JPH1: variants seen among roughly 807,000 people sequenced by gnomAD.
The protein encoded by JPH1 is junctophilin 1, also known as junctophilin-1.
A neutral mutation model predicts 53.6 loss-of-function variants in JPH1; 12 were observed. That is an observed-to-expected ratio of 0.22 (90% CI 0.14 to 0.36). The LOEUF is 0.36. Ranked by LOEUF, JPH1 falls within the 10% of genes least tolerant of loss-of-function variation. JPH1 has a pLI of 1.00. For synonymous variants in JPH1, 375 were observed against 363.8 expected (o/e 1.03, Z -0.35); for missense variants, 808 against 905.5 (o/e 0.89, Z 1.38).
intron 2 of JPH1, among the ~76,000 whole-genome samples, chr8:74,275,824 C>A (rs1193707570): frequency 1.3e-5 from 2 of 152,170 alleles, no homozygotes; most frequent in East Asian, 1.9e-4. Flanking sequence ...CTTCCCCACC[C>A]CCTGCTCTGA....
intron 2 of JPH1, among the ~76,000 whole-genome samples, chr8:74,305,352 CAG>C (rs891536717): frequency 1.3e-5 from 2 of 152,262 alleles, no homozygotes; most frequent in Non-Finnish European, 2.9e-5. Context: ...TGCTTAAAAA[CAG>C]AGTTTCTCCA....
chr8:74,288,195 GA>G (rs1807224482), intron 2 of JPH1, among the ~76,000 whole-genome samples: 1 of 152,206 alleles, frequency 6.6e-6, no homozygotes, highest in African/African-American at 2.4e-5. Flanking sequence ...GAGGCGGGTG[GA>G]AAAGCAGCCC....
chr8:74,237,704 A>C (rs943486594), intron 4 of JPH1, among the ~76,000 whole-genome samples: 2 of 152,224 alleles, frequency 1.3e-5, no homozygotes, highest in Non-Finnish European at 2.9e-5. Context: ...GGCAGTTAGA[A>C]CACGAGAGCA....
At chr8:74,281,347 C>T (rs1420294306) in intron 2 of JPH1, among the ~76,000 whole-genome samples, 1 of 152,190 alleles carries the variant, frequency 6.6e-6, no homozygotes, top group Non-Finnish European at 1.5e-5. Context: ...GTTACTTGGA[C>T]ATGTAAGTCT....
intron 2 of JPH1, among the ~76,000 whole-genome samples, chr8:74,297,992 C>T (rs1420420490): frequency 6.6e-6 from 1 of 152,208 alleles, no homozygotes; most frequent in Non-Finnish European, 1.5e-5. Flanking sequence ...TCTTTCCACA[C>T]ACAGGTCATC....
intron 2 of JPH1, among the ~76,000 whole-genome samples, chr8:74,305,032 G>A (rs975330711): frequency 2.6e-5 from 4 of 152,228 alleles, no homozygotes; most frequent in African/African-American, 9.6e-5. Flanking sequence ...ATTATTAAAA[G>A]CTGATTTGAC....
At position 74,288,363 on chromosome 8, in the gene JPH1, A is replaced by T. The variant is rs80102875; in HGVS notation, c.1139+26498T>A. Among the ~76,000 whole-genome samples, 1,480 of 152,098 alleles carry T rather than the reference A, an allele frequency of 9.7e-3. 21 individuals are homozygous for T. The highest frequency in any genetic ancestry group is 0.034 in the African/African-American group (1,416 of 41,456). ...TCTCACCCAAGGGCTGCCTCTGAAAACCCATTTCTTCAACAGCATGCATGT... is the reference window on the plus strand; with the variant it reads ...TCTCACCCAAGGGCTGCCTCTGAAATCCCATTTCTTCAACAGCATGCATGT... On this transcript the variant is annotated intron_variant, in intron 2 of 5. Transcript: ENST00000342232.
intron 2 of JPH1, among the ~76,000 whole-genome samples, chr8:74,307,429 C>A (rs952853169): frequency 2.0e-5 from 3 of 152,154 alleles, no homozygotes; most frequent in African/African-American, 4.8e-5. Context: ...TTCAACCAAG[C>A]GTCTGGAATT....
At chr8:74,298,269 T>C (rs913368513) in intron 2 of JPH1, among the ~76,000 whole-genome samples, 3 of 152,250 alleles carry the variant, frequency 2.0e-5, no homozygotes, top group Non-Finnish European at 4.4e-5. Flanking sequence ...ACTTATGCTC[T>C]TAGCTAATTG....
chr8:74,279,007 G>A (rs890320114), intron 2 of JPH1, among the ~76,000 whole-genome samples: 5 of 150,338 alleles, frequency 3.3e-5, no homozygotes, highest in Non-Finnish European at 5.9e-5. Context: ...ACACACACAC[G>A]CATACACACA....
chr8:74,256,174 A>G (rs1211672642), intron 3 of JPH1, among the ~76,000 whole-genome samples: 2 of 152,210 alleles, frequency 1.3e-5, no homozygotes, highest in Non-Finnish European at 2.9e-5. Context: ...TGGATTAAGA[A>G]AATGTGGCAC....
chr8:74,287,688 C>A (rs1265474545), intron 2 of JPH1, among the ~76,000 whole-genome samples: 3 of 149,496 alleles, frequency 2.0e-5, no homozygotes, highest in Non-Finnish European at 1.5e-5. Context: ...TTTTTTAAGG[C>A]AGAAAGCGGA....
Position 74,321,474 on chromosome 8 carries a change from C to A in JPH1, c.-187G>T. 1.9e-6 allele frequency: 1 copy of A among 528,034 alleles called. No homozygotes were observed. Among genetic ancestry groups the A allele is most frequent in the African/African-American group, 2.1e-5 (1 of 48,742 alleles). 32.7% of individuals were successfully genotyped at this position (528,034 alleles called of 1,614,324 possible). A position where few individuals can be genotyped will look rare whatever the true frequency, so the allele number is the denominator to read the frequency against. On this transcript the variant is annotated 5_prime_UTR_variant, in exon 1 of 6. Coordinates refer to ENST00000342232, the MANE Select transcript of JPH1 (RefSeq NM_020647.4). The surrounding 1 kb of genome is among the most constrained non-coding windows in gnomAD (Gnocchi z 4.3). The stretch of plus-strand genomic sequence containing the variant: ...CTCCCTCCTCTTTTGCCGCCGCCAC[C>A]GCCGCCTTCCTCCTCCTCCTCCTCC...
At chr8:74,253,879 G>T (rs1298274634) in intron 3 of JPH1, among the ~76,000 whole-genome samples, 4 of 151,722 alleles carry the variant, frequency 2.6e-5, no homozygotes, top group African/African-American at 4.9e-5. Context: ...AATAACAGGA[G>T]CTGAAATTGA....
intron 2 of JPH1, among the ~76,000 whole-genome samples, chr8:74,281,256 A>C (rs1353542069): frequency 6.6e-6 from 1 of 152,248 alleles, no homozygotes; most frequent in East Asian, 1.9e-4. Flanking sequence ...AGATAAAACT[A>C]ATAATCAACT....
At position 74,315,523 on chromosome 8, in the gene JPH1, C is replaced by A. The variant is rs746330788; in HGVS notation, c.477G>T (p.Leu159=). The change falls in exon 2 of 6, where the codon CTG becomes CTT. Residue 159 remains leucine (L), a synonymous_variant. Transcript: ENST00000342232. The surrounding 1 kb of genome is among the most constrained non-coding windows in gnomAD (Gnocchi z 6.3). ...YGMATVIRSP[L]RTSLASLRSE... is the part of the protein sequence containing the mutation. ...TGCGCAGCGAGGCCAGCGAGGTACGCAGCGGTGAGCGGATCACCGTGGCCA... is the reference window on the plus strand; with the variant it reads ...TGCGCAGCGAGGCCAGCGAGGTACGAAGCGGTGAGCGGATCACCGTGGCCA... 2 of 1,605,512 alleles carry A rather than the reference C, an allele frequency of 1.2e-6. No individual in the cohort carries two copies. Among genetic ancestry groups the A allele is most frequent in the Non-Finnish European group, 1.7e-6 (2 of 1,177,320 alleles).
intron 3 of JPH1, among the ~76,000 whole-genome samples, chr8:74,257,359 G>C (rs1033328919): frequency 6.6e-6 from 1 of 152,114 alleles, no homozygotes; most frequent in Non-Finnish European, 1.5e-5. Flanking sequence ...CATTCAGTCT[G>C]GGAAACCAAG....
intron 4 of JPH1, among the ~76,000 whole-genome samples, chr8:74,238,094 A>C (rs943705132): frequency 3.3e-5 from 5 of 152,184 alleles, no homozygotes; most frequent in African/African-American, 1.2e-4. Context: ...TTACAAAGAC[A>C]TGATTGTGGT....
chr8:74,293,977 A>C (rs1243720868), intron 2 of JPH1, among the ~76,000 whole-genome samples: 1 of 152,188 alleles, frequency 6.6e-6, no homozygotes, highest in Admixed American at 6.5e-5. Context: ...TAGAGCGCAG[A>C]CCAGGGTCCC....
Sources: gnomAD v4.1 joint callset for allele counts (sites outside exome capture counted in the v4.1 genomes callset) on GRCh38, gnomAD v4.1.1 for gene constraint, Gnocchi (gnomAD v3.1) non-coding constraint, MANE v1.5 for transcripts, NCBI Gene and HGNC (gene_info 2026-07-23, HGNC 2026-07-21) for gene names.